Variants in NT5M observed in about 807,000 individuals in gnomAD.
NT5M encodes the protein 5'(3')-deoxyribonucleotidase, mitochondrial.
A neutral mutation model predicts 22.2 loss-of-function variants in NT5M; 22 were observed. The observed-to-expected ratio is 0.99, with a 90% CI of 0.71 to 1.41. The LOEUF is 1.41. NT5M is among the 40% of genes most tolerant of loss of function. The pLI, the probability that NT5M is intolerant of heterozygous loss-of-function variation, is 0.00. For synonymous variants in NT5M, 167 were observed against 133.0 expected (o/e 1.26, Z -1.76); for missense variants, 322 against 314.8 (o/e 1.02, Z -0.17).
intron 3 of NT5M, among the ~76,000 whole-genome samples, chr17:17,332,130 AC>A (rs1471832520): frequency 1.3e-5 from 2 of 151,950 alleles, no homozygotes; most frequent in Non-Finnish European, 2.9e-5. Context: ...ACACCTGCAT[AC>A]CCCACCCTCC....
At chr17:17,329,134 C>T (rs1031267679) in intron 3 of NT5M, among the ~76,000 whole-genome samples, 5 of 152,122 alleles carry the variant, frequency 3.3e-5, no homozygotes, top group African/African-American at 7.2e-5. Context: ...CCTGCTACCA[C>T]GCCGAGCTAA....
At chr17:17,314,770 G>T (rs1355741286) in intron 2 of NT5M, among the ~76,000 whole-genome samples, 1 of 152,146 alleles carries the variant, frequency 6.6e-6, no homozygotes, top group South Asian at 2.1e-4. Context: ...CTTTGTTCTT[G>T]TTGCATCTTC....
At chr17:17,318,785 CAAAAAAAAAAAA>C (rs61422345) in intron 2 of NT5M, among the ~76,000 whole-genome samples, 4 of 40,244 alleles carry the variant, frequency 9.9e-5, no homozygotes, top group Admixed American at 9.1e-4. Context: ...AACTCCGTCT[CAAAAAAAAAAAA>C]AAAAAAAAAA....
Position 17,303,827 on chromosome 17 carries a change from C to G in NT5M, c.267+10C>G. ...GCGGCCAGGGCTGAGCGTGAGCGTC[C>G]CCGCCCCGCCCCGCGCCGGGCCTCC... On this transcript the variant is annotated intron_variant, in intron 1 of 4. Coordinates refer to ENST00000389022, the MANE Select transcript of NT5M (RefSeq NM_020201.4). 2 of 1,381,496 alleles carry G rather than the reference C, an allele frequency of 1.4e-6. No homozygotes were observed. The highest frequency in any genetic ancestry group is 3.1e-5 in the South Asian group (2 of 64,028). The allele number at this position is 1,381,496 out of a possible 1,614,324, so 85.6% of individuals were successfully genotyped here.
chr17:17,318,088 G>C (rs186475429), intron 2 of NT5M, among the ~76,000 whole-genome samples: 2 of 151,758 alleles, frequency 1.3e-5, no homozygotes, highest in African/African-American at 4.8e-5. Flanking sequence ...GAATGTCCCA[G>C]CAACACTATT....
intron 3 of NT5M, among the ~76,000 whole-genome samples, chr17:17,325,386 T>C (rs2049244341): frequency 6.6e-6 from 1 of 152,152 alleles, no homozygotes; most frequent in Admixed American, 6.5e-5. Context: ...GGCAGTGCTG[T>C]CTGGTGGCCT....
intron 2 of NT5M, among the ~76,000 whole-genome samples, chr17:17,311,771 A>G (rs1420753218): frequency 6.6e-6 from 1 of 152,266 alleles, no homozygotes; most frequent in Non-Finnish European, 1.5e-5. Context: ...GTAGTAATTT[A>G]TCTTTGGATG....
chr17:17,345,650 A>AACACAC, intron 4 of NT5M, among the ~76,000 whole-genome samples: 1 of 150,174 alleles, frequency 6.7e-6, no homozygotes, highest in South Asian at 2.2e-4. Flanking sequence ...AAAAAAAAAA[A>AACACAC]ACACAAAAAA....
intron 2 of NT5M, among the ~76,000 whole-genome samples, chr17:17,308,101 A>G (rs184874198): frequency 1.3e-4 from 20 of 152,174 alleles, no homozygotes; most frequent in African/African-American, 4.3e-4. Flanking sequence ...AAAGAGCTGA[A>G]GGAAAAGAGG....
At chr17:17,314,010 T>C (rs182672948) in intron 2 of NT5M, among the ~76,000 whole-genome samples, 29 of 152,138 alleles carry the variant, frequency 1.9e-4, no homozygotes, top group Admixed American at 1.9e-3. Context: ...TGACCATTCT[T>C]TTTATTGTTC....
At chr17:17,309,901 T>C (rs1402151677) in intron 2 of NT5M, among the ~76,000 whole-genome samples, 1 of 151,340 alleles carries the variant, frequency 6.6e-6, no homozygotes, top group Non-Finnish European at 1.5e-5. Flanking sequence ...CTTGGCTCAC[T>C]GCAACCTCTG....
chr17:17,309,853 C>T (rs2048888727), intron 2 of NT5M, among the ~76,000 whole-genome samples: 1 of 145,892 alleles, frequency 6.9e-6, no homozygotes, highest in Non-Finnish European at 1.5e-5. Flanking sequence ...GAGACGGAGT[C>T]TCACTCTTTT....
rs1418578724 is a variant in NT5M at position 17,303,618 on chromosome 17, G to A, written c.68G>A (p.Gly23Glu). 17 of 1,294,840 alleles carry A rather than the reference G, an allele frequency of 1.3e-5. No individual in the cohort carries two copies. The highest frequency in any genetic ancestry group is 1.6e-5 in the Non-Finnish European group (16 of 1,015,010). 80.2% of individuals were successfully genotyped at this position (1,294,840 alleles called of 1,614,324 possible). A position where few individuals can be genotyped will look rare whatever the true frequency, so the allele number is the denominator to read the frequency against. Residue 23 changes from glycine (G) to glutamate (E), a missense_variant, in exon 1 of 5, where the codon GGG (glycine) becomes GAG (glutamate). Gly to Glu is a moderately conservative substitution (Grantham distance 98). Coordinates refer to ENST00000389022, the MANE Select transcript of NT5M (RefSeq NM_020201.4). ...GCGGCGGTTCCCGCGGGGCGGCGCGGGGCGGCGGGCGGGCTGGGCCTGGCG... is the reference window on the plus strand; with the variant it reads ...GCGGCGGTTCCCGCGGGGCGGCGCGAGGCGGCGGGCGGGCTGGGCCTGGCG... ...CSAAVPAGRR[G>E]AAGGLGLAGG... is the part of the protein sequence containing the mutation.
At chr17:17,323,754 GAGC>G (rs1000101140) in intron 3 of NT5M, among the ~76,000 whole-genome samples, 1 of 152,198 alleles carries the variant, frequency 6.6e-6, no homozygotes, top group African/African-American at 2.4e-5. Context: ...GGGGACGTTG[GAGC>G]AGCTCTTCCC....
At chr17:17,325,690 C>G (rs534307054) in intron 3 of NT5M, among the ~76,000 whole-genome samples, 2 of 152,288 alleles carry the variant, frequency 1.3e-5, no homozygotes, top group East Asian at 3.9e-4. Context: ...CACATACACC[C>G]TCCTGAGCAT....
At chr17:17,312,600 C>T (rs1168595806) in intron 2 of NT5M, among the ~76,000 whole-genome samples, 3 of 145,750 alleles carry the variant, frequency 2.1e-5, no homozygotes, top group Admixed American at 7.0e-5. Flanking sequence ...GCCAAGATTG[C>T]GCCATTGTAC....
chr17:17,322,251 G>A (rs1468744202), intron 2 of NT5M, among the ~76,000 whole-genome samples: 3 of 152,102 alleles, frequency 2.0e-5, no homozygotes, highest in African/African-American at 7.2e-5. Context: ...TGGCATCAGG[G>A]ATCTGGAAGG....
At chr17:17,329,943 G>A (rs959116967) in intron 3 of NT5M, among the ~76,000 whole-genome samples, 1 of 152,096 alleles carries the variant, frequency 6.6e-6, no homozygotes, top group East Asian at 1.9e-4. Flanking sequence ...CTGCATTACA[G>A]CCTTAGTGAC....
At chr17:17,328,137 C>T (rs1032945559) in intron 3 of NT5M, among the ~76,000 whole-genome samples, 1 of 152,150 alleles carries the variant, frequency 6.6e-6, no homozygotes, top group Non-Finnish European at 1.5e-5. Context: ...TACTTTCCTC[C>T]TGCCAGGGGC....
Sources: gnomAD v4.1 joint callset for allele counts (sites outside exome capture counted in the v4.1 genomes callset) on GRCh38, gnomAD v4.1.1 for gene constraint, MANE v1.5 for transcripts, NCBI Gene and HGNC (gene_info 2026-07-23, HGNC 2026-07-21) for gene names.